The following PDE4D variants were observed in gnomAD, a reference collection of about 807,000 sequenced individuals.
PDE4D encodes the protein phosphodiesterase 4D.
In PDE4D, 24 loss-of-function variants were observed where a neutral mutation model predicts 87.4. That is an observed-to-expected ratio of 0.27 (90% CI 0.20 to 0.39). The LOEUF is 0.39. Among genes scored for constraint, PDE4D ranks in the 10% least tolerant of loss-of-function variants. The pLI, the probability that PDE4D is intolerant of heterozygous loss-of-function variation, is 1.00. For missense variants in PDE4D, 714 were observed against 1,041.0 expected, an observed-to-expected ratio of 0.69 and a Z score of 4.32; for synonymous variants, 384 against 383.2, an observed-to-expected ratio of 1.00 and a Z score of -0.02.
At chr5:59,535,549 G>T (rs1815043655) in intron 1 of PDE4D, among the ~76,000 whole-genome samples, 1 of 152,186 alleles carries the variant, frequency 6.6e-6, no homozygotes, top group Admixed American at 6.5e-5. Flanking sequence ...ACATCAAGCT[G>T]ATACCTATTT....
At chr5:60,297,451 G>A (rs1417766520) in intron 1 of PDE4D, among the ~76,000 whole-genome samples, 1 of 152,112 alleles carries the variant, frequency 6.6e-6, no homozygotes, top group Non-Finnish European at 1.5e-5. Flanking sequence ...AAATTTAAAG[G>A]GTTTGAAGAA....
chr5:58,969,253 C>T lies in PDE4D; in HGVS notation c.*5411G>A, dbSNP rs554040375. ...GAGAGACAGATAACAAAAACAAACA[C>T]GTATATAAATCTGTGAGAAGTGTTA... On this transcript the variant is annotated 3_prime_UTR_variant, in exon 15 of 15. Transcript: ENST00000340635. 4 of 152,150 alleles carry T rather than the reference C, an allele frequency of 2.6e-5. No individual in the cohort carries two copies. The highest frequency in any genetic ancestry group is 3.9e-4 in the East Asian group (2 of 5,172). 9.4% of individuals were successfully genotyped at this position (152,150 alleles called of 1,614,324 possible).
chr5:59,015,911 T>C (rs1181658429), intron 6 of PDE4D, among the ~76,000 whole-genome samples: 1 of 152,214 alleles, frequency 6.6e-6, no homozygotes, highest in African/African-American at 2.4e-5. Flanking sequence ...TAAGAAAATG[T>C]GGCACATACA....
chr5:60,041,849 T>C (rs1374291015), intron 2 of PDE4D, among the ~76,000 whole-genome samples: 1 of 151,682 alleles, frequency 6.6e-6, no homozygotes, highest in Admixed American at 6.6e-5. Flanking sequence ...ACCAGGATCC[T>C]GGGTTTTAAG....
chr5:59,123,825 T>C (rs1029359826), intron 5 of PDE4D, among the ~76,000 whole-genome samples: 1 of 152,166 alleles, frequency 6.6e-6, no homozygotes, highest in African/African-American at 2.4e-5. Flanking sequence ...AGCAAGTCTG[T>C]GAAAGTGAGA....
chr5:59,220,377 C>CAAAAAAAAAAAAAA (rs57610513), intron 1 of PDE4D, among the ~76,000 whole-genome samples: 15 of 36,132 alleles, frequency 4.2e-4, no homozygotes, highest in Non-Finnish European at 5.3e-4. Flanking sequence ...GACTCTGTCT[C>CAAAAAAAAAAAAAA]AAAAAAAAAA....
chr5:60,049,264 C>A (rs960679573), intron 2 of PDE4D, among the ~76,000 whole-genome samples: 29 of 152,146 alleles, frequency 1.9e-4, no homozygotes, highest in Admixed American at 1.1e-3. Flanking sequence ...GTTATACATT[C>A]TTCTCAATTT....
At chr5:59,166,871 C>T (rs1345357546) in intron 5 of PDE4D, among the ~76,000 whole-genome samples, 1 of 152,210 alleles carries the variant, frequency 6.6e-6, no homozygotes, top group Non-Finnish European at 1.5e-5. Context: ...TCTAAAGCCA[C>T]TTCCAAAATG....
chr5:59,294,433 A>C (rs1371320560), intron 1 of PDE4D, among the ~76,000 whole-genome samples: 1 of 152,156 alleles, frequency 6.6e-6, no homozygotes, highest in Non-Finnish European at 1.5e-5. Flanking sequence ...CTTTAAATAG[A>C]TCCTGAAAGC....
intron 1 of PDE4D, among the ~76,000 whole-genome samples, chr5:59,599,952 G>A (rs1013737917): frequency 1.1e-4 from 16 of 152,354 alleles, no homozygotes; most frequent in Non-Finnish European, 1.5e-4. Flanking sequence ...GATGTTGAAA[G>A]CTGCCTCTTT....
chr5:59,723,984 C>T (rs1307352225), intron 1 of PDE4D, among the ~76,000 whole-genome samples: 1 of 152,000 alleles, frequency 6.6e-6, no homozygotes, highest in African/African-American at 2.4e-5. Flanking sequence ...AGCAGAAAAT[C>T]ATGAGCTTAA....
At chr5:60,052,937 C>T (rs1770347620) in intron 2 of PDE4D, among the ~76,000 whole-genome samples, 1 of 152,148 alleles carries the variant, frequency 6.6e-6, no homozygotes, top group East Asian at 1.9e-4. Context: ...CTCCCATTTA[C>T]AATTGCTACA....
intron 1 of PDE4D, among the ~76,000 whole-genome samples, chr5:59,670,379 G>A (rs1746987935): frequency 3.3e-5 from 5 of 152,118 alleles, no homozygotes; most frequent in Admixed American, 3.3e-4. Flanking sequence ...AAAACTTTTT[G>A]AGTGCTGACA....
chr5:59,848,329 A>G (rs1260273862), intron 1 of PDE4D, among the ~76,000 whole-genome samples: 1 of 152,054 alleles, frequency 6.6e-6, no homozygotes, highest in Non-Finnish European at 1.5e-5. Flanking sequence ...GTGTTCTGAC[A>G]ACTCACCTGT....
intron 1 of PDE4D, among the ~76,000 whole-genome samples, chr5:60,453,391 G>A (rs552641518): frequency 6.6e-6 from 1 of 152,168 alleles, no homozygotes; most frequent in Admixed American, 6.5e-5. Context: ...CAACACACAT[G>A]AGAACTTCAA....
chr5:59,643,224 C>T (rs1272479577), intron 1 of PDE4D, among the ~76,000 whole-genome samples: 1 of 152,166 alleles, frequency 6.6e-6, no homozygotes, highest in Non-Finnish European at 1.5e-5. Flanking sequence ...GGAGGGATCA[C>T]TGCCTGACCT....
At chr5:59,394,414 G>T (rs1309945283) in intron 1 of PDE4D, among the ~76,000 whole-genome samples, 1 of 152,138 alleles carries the variant, frequency 6.6e-6, no homozygotes, top group Non-Finnish European at 1.5e-5. Context: ...AGGTTTCTGG[G>T]CCAAGATGTT....
At chr5:60,210,067 A>G (rs557322672) in intron 1 of PDE4D, among the ~76,000 whole-genome samples, 1 of 152,310 alleles carries the variant, frequency 6.6e-6, no homozygotes, top group South Asian at 2.1e-4. Context: ...GATCCATACT[A>G]ACTTAGAATC....
intron 1 of PDE4D, among the ~76,000 whole-genome samples, chr5:59,667,239 G>T (rs6650953): frequency 0.072 from 10,919 of 151,524 alleles, 1,206 homozygotes; most frequent in African/African-American, 0.24. Context: ...ATTTTTTTTT[G>T]GGGGGGAGGT....
Sources: gnomAD v4.1 joint callset for allele counts (sites outside exome capture counted in the v4.1 genomes callset) on GRCh38, gnomAD v4.1.1 for gene constraint, MANE v1.5 for transcripts, NCBI Gene and HGNC (gene_info 2026-07-23, HGNC 2026-07-21) for gene names.